Variants in CNBD1 observed in about 807,000 individuals in gnomAD.
The protein encoded by CNBD1 is cyclic nucleotide binding domain containing 1.
Under a neutral mutation model 54.4 loss-of-function variants are expected in CNBD1, and 71 were observed. The observed-to-expected ratio is 1.30, with a 90% CI of 1.08 to 1.59. The LOEUF (loss-of-function observed/expected upper bound fraction) is 1.59. Ranked by LOEUF, CNBD1 falls within the 40% of genes most tolerant of loss-of-function variation. The probability of loss-of-function intolerance (pLI) is 0.00; values close to 1 mark genes in which losing one functional copy is unlikely to be tolerated. For missense variants in CNBD1, 659 were observed against 518.0 expected (o/e 1.27, Z -2.64); for synonymous variants, 182 against 170.7 (o/e 1.07, Z -0.51).
At chr8:86,996,921 G>C (rs773429974) in intron 4 of CNBD1, among the ~76,000 whole-genome samples, 2 of 152,076 alleles carry the variant, frequency 1.3e-5, no homozygotes, top group Non-Finnish European at 2.9e-5. Flanking sequence ...GTACCTTTTT[G>C]GTTGTGTCCT....
intron 10 of CNBD1, among the ~76,000 whole-genome samples, chr8:87,375,942 G>A (rs1359802129): frequency 6.6e-6 from 1 of 151,820 alleles, no homozygotes; most frequent in Non-Finnish European, 1.5e-5. Context: ...TAGATCTCTT[G>A]CAGGAAGAAT....
At chr8:87,094,444 C>CTT (rs397892505) in intron 4 of CNBD1, among the ~76,000 whole-genome samples, 1 of 139,464 alleles carries the variant, frequency 7.2e-6, no homozygotes, top group Admixed American at 7.2e-5. Flanking sequence ...TTCTTTAATG[C>CTT]TTTTTTTTTT....
At chr8:87,401,928 G>T (rs1434348232) in intron 2 of CNBD1, among the ~76,000 whole-genome samples, 1 of 151,936 alleles carries the variant, frequency 6.6e-6, no homozygotes, top group Non-Finnish European at 1.5e-5. Context: ...GAGGACATGT[G>T]ACCTAATTCT....
intron 4 of CNBD1, among the ~76,000 whole-genome samples, chr8:86,981,267 C>A (rs1313879208): frequency 6.6e-6 from 1 of 152,184 alleles, no homozygotes. Context: ...TTAGATACCA[C>A]TGAACTGTAA....
chr8:86,930,097 G>T (rs886077527), intron 3 of CNBD1, among the ~76,000 whole-genome samples: 1 of 152,152 alleles, frequency 6.6e-6, no homozygotes, highest in Non-Finnish European at 1.5e-5. Flanking sequence ...TCCTTGATTA[G>T]AGTATAGAGT....
chr8:86,883,133 C>T (rs970034687), intron 1 of CNBD1, among the ~76,000 whole-genome samples: 5 of 151,746 alleles, frequency 3.3e-5, no homozygotes, highest in Admixed American at 1.3e-4. Flanking sequence ...TACACGTTTA[C>T]CTATATAACA....
chr8:87,355,798 G>A (rs890304965), intron 10 of CNBD1, among the ~76,000 whole-genome samples: 24 of 152,030 alleles, frequency 1.6e-4, no homozygotes, highest in Admixed American at 1.2e-3. Flanking sequence ...GACATGATTT[G>A]GATGTTTGTC....
intron 4 of CNBD1, among the ~76,000 whole-genome samples, chr8:87,040,420 T>C (rs1028116645): frequency 7.1e-6 from 1 of 141,272 alleles, no homozygotes; most frequent in Non-Finnish European, 1.6e-5. Context: ...ATGAATTCTT[T>C]TTCTTTTTTT....
intron 4 of CNBD1, among the ~76,000 whole-genome samples, chr8:87,160,810 C>G (rs764421513): frequency 1.4e-4 from 21 of 151,962 alleles, no homozygotes; most frequent in Non-Finnish European, 2.8e-4. Flanking sequence ...CACAGTGCCC[C>G]ATGCCAGTTA....
chr8:87,095,388 G>C (rs1291704368), intron 4 of CNBD1, among the ~76,000 whole-genome samples: 1 of 152,142 alleles, frequency 6.6e-6, no homozygotes, highest in African/African-American at 2.4e-5. Context: ...GTCTGTGCTT[G>C]TTTTGGATAG....
Position 87,136,580 on chromosome 8 carries a change from T to C in CNBD1, c.432-69413T>C, listed in dbSNP as rs61352383. On this transcript the variant is annotated intron_variant, in intron 4 of 10. Transcript: ENST00000518476. ...TAAATTATATATTATATTTATATTA[T>C]ATATAAATTATATATTATATTTATA... Among the ~76,000 whole-genome samples, 354 of 82,932 alleles carry C rather than the reference T, an allele frequency of 4.3e-3. 3 individuals are homozygous for C. The highest frequency in any genetic ancestry group is 0.017 in the African/African-American group (338 of 20,462). 54.4% of individuals were successfully genotyped at this position (82,932 alleles called of 152,430 possible).
intron 4 of CNBD1, among the ~76,000 whole-genome samples, chr8:87,155,408 T>C (rs1036623403): frequency 6.6e-6 from 1 of 152,150 alleles, no homozygotes; most frequent in African/African-American, 2.4e-5. Context: ...AAATAGAGTC[T>C]GAGAAACCAA....
At chr8:87,263,686 A>T (rs1379953858) in intron 6 of CNBD1, among the ~76,000 whole-genome samples, 2 of 152,186 alleles carry the variant, frequency 1.3e-5, no homozygotes, top group African/African-American at 2.4e-5. Flanking sequence ...TACCAAGGCA[A>T]ACAAAATTCC....
intron 4 of CNBD1, among the ~76,000 whole-genome samples, chr8:86,999,149 T>C (rs1363201337): frequency 6.6e-6 from 1 of 152,210 alleles, no homozygotes; most frequent in African/African-American, 2.4e-5. Context: ...AGGTTGACAT[T>C]CACGGCTTCT....
intron 4 of CNBD1, among the ~76,000 whole-genome samples, chr8:86,996,194 C>G (rs1049784154): frequency 6.6e-6 from 1 of 152,128 alleles, no homozygotes; most frequent in Admixed American, 6.5e-5. Flanking sequence ...TTCTCCCACC[C>G]TGGATCTCTT....
rs910691346 is a variant in CNBD1, at chr8:87,388,093, C to T, written c.213+34307C>T. ...ACACAACACACCAGAATCTCTGGGA[C>T]ACATTCAAAACTGTGTAGAGGGAAA... On this transcript the variant is annotated intron_variant, in intron 2 of 7. Transcript: ENST00000521593. Among the ~76,000 whole-genome samples, 5 of 152,240 alleles carry T rather than the reference C, an allele frequency of 3.3e-5. No individual in the cohort carries two copies. In the East Asian group the frequency reaches 9.7e-4, roughly 29 times the overall value.
intron 3 of CNBD1, among the ~76,000 whole-genome samples, chr8:86,931,702 T>C (rs527416195): frequency 6.6e-6 from 1 of 152,228 alleles, no homozygotes; most frequent in East Asian, 1.9e-4. Context: ...TGCCTCCAAA[T>C]TTTGTTCAGG....
rs1814396305 is a variant in CNBD1, at chr8:87,223,512, A to G, written c.578-13407A>G. On this transcript the variant is annotated intron_variant, in intron 5 of 10. Coordinates refer to ENST00000518476, the MANE Select transcript of CNBD1 (RefSeq NM_173538.3). ...CAGTGTTTGGTTTTTTGTTCTTGCG[A>G]TAGTTTACTGAGAATGATGGTTTCC... Among the ~76,000 whole-genome samples the G allele has an allele frequency of 2.0e-5, 3 of 149,776 alleles. No individual in the cohort carries two copies. The South Asian group carries it at 6.3e-4, about 31-fold the overall frequency.
chr8:87,119,519 T>A (rs1811848623), intron 4 of CNBD1, among the ~76,000 whole-genome samples: 1 of 152,130 alleles, frequency 6.6e-6, no homozygotes, highest in African/African-American at 2.4e-5. Context: ...GGTCATATCA[T>A]CAGCAAAGTG....
Sources: allele counts gnomAD v4.1 joint callset (sites outside exome capture counted in the v4.1 genomes callset), GRCh38; gene constraint gnomAD v4.1.1; transcripts MANE v1.5; gene names NCBI Gene and HGNC (gene_info 2026-07-23, HGNC 2026-07-21).